The following HMCN1 variants were observed in gnomAD, a reference collection of about 807,000 sequenced individuals.
The protein encoded by HMCN1 is hemicentin-1.
HMCN1 carries 321 observed loss-of-function variants against 625.9 expected under a neutral mutation model. The ratio of observed to expected loss-of-function variants is 0.51; its 90% CI spans 0.47 to 0.56. The LOEUF is 0.56. Among genes scored for constraint, HMCN1 ranks in the 20% least tolerant of loss-of-function variants. HMCN1 has a pLI of 0.00. For missense variants in HMCN1, 6,588 were observed against 6,887.3 expected, an observed-to-expected ratio of 0.96 and a Z score of 1.54; for synonymous variants, 2,425 against 2,417.6, an observed-to-expected ratio of 1.00 and a Z score of -0.09.
chr1:185,833,782 T>C (rs1475906361), intron 1 of HMCN1, among the ~76,000 whole-genome samples: 2 of 152,148 alleles, frequency 1.3e-5, no homozygotes, highest in East Asian at 1.9e-4. Context: ...TATTTTCTTT[T>C]TCTTAATTGT....
chr1:185,949,531 T>G (rs866052331), intron 11 of HMCN1, among the ~76,000 whole-genome samples: 13 of 152,062 alleles, frequency 8.5e-5, no homozygotes, highest in Middle Eastern at 3.4e-3. Context: ...CTACTTTTCT[T>G]GAAGACGGAG....
At position 185,840,081 on chromosome 1, in the gene HMCN1, T is replaced by G. The variant is rs116563333; in HGVS notation, c.269-5945T>G. ...GTCCTGAAATATACTTGACATTAGC[T>G]CAGCTCAAAGTCAGGAAACAGTTCT... On this transcript the variant is annotated intron_variant, in intron 1 of 106. Coordinates refer to ENST00000271588, the MANE Select transcript of HMCN1 (RefSeq NM_031935.3). Among the ~76,000 whole-genome samples, 1,177 of 152,286 alleles carry G rather than the reference T, an allele frequency of 7.7e-3. 12 individuals carry two copies. The highest frequency in any genetic ancestry group is 0.027 in the African/African-American group (1,134 of 41,566).
intron 4 of HMCN1, among the ~76,000 whole-genome samples, chr1:185,902,056 T>G (rs1665833774): frequency 6.6e-6 from 1 of 151,614 alleles, no homozygotes; most frequent in African/African-American, 2.4e-5. Context: ...TAAAAATTAT[T>G]CTAGTACTCT....
chr1:185,738,895 A>G (rs1402298140), intron 1 of HMCN1, among the ~76,000 whole-genome samples: 1 of 152,146 alleles, frequency 6.6e-6, no homozygotes, highest in African/African-American at 2.4e-5. Context: ...TTTTAGGTTC[A>G]GGGGCCATAT....
chr1:186,149,625 A>G (rs1435283229), intron 93 of HMCN1, among the ~76,000 whole-genome samples: 1 of 152,136 alleles, frequency 6.6e-6, no homozygotes, highest in East Asian at 1.9e-4. Context: ...TGCATTCACA[A>G]CTTGGCTAAC....
At chr1:185,960,857 T>A (rs1649969568) in intron 11 of HMCN1, among the ~76,000 whole-genome samples, 1 of 152,232 alleles carries the variant, frequency 6.6e-6, no homozygotes, top group South Asian at 2.1e-4. Flanking sequence ...TTTTTCCCAC[T>A]TATCCCCTGA....
intron 1 of HMCN1, among the ~76,000 whole-genome samples, chr1:185,780,904 A>G (rs992348278): frequency 2.0e-5 from 3 of 152,116 alleles, no homozygotes; most frequent in Non-Finnish European, 4.4e-5. Flanking sequence ...TATTGATTGG[A>G]ATAGTTTCAG....
chr1:186,093,007 C>G lies in HMCN1; in HGVS notation c.9888-127C>G, dbSNP rs916746627. The G allele has an allele frequency of 6.6e-6, 8 of 1,217,104 alleles. No individual in the cohort carries two copies. The African/African-American group carries it at 1.2e-4, about 18-fold the overall frequency. 75.4% of individuals were successfully genotyped at this position (1,217,104 alleles called of 1,614,324 possible). On this transcript the variant is annotated intron_variant, in intron 64 of 106. Transcript: ENST00000271588. ...GAGGTGGTAGATATGAGACTCGCTACTGTAGAATTTCAGTTGGTTGCTTGA... is the reference window on the plus strand; with the variant it reads ...GAGGTGGTAGATATGAGACTCGCTAGTGTAGAATTTCAGTTGGTTGCTTGA...
At chr1:185,871,638 A>G (rs1663627464) in intron 4 of HMCN1, among the ~76,000 whole-genome samples, 2 of 152,192 alleles carry the variant, frequency 1.3e-5, no homozygotes, top group South Asian at 2.1e-4. Flanking sequence ...TAAAGTGACA[A>G]TTTTGCAACA....
At chr1:186,122,661 A>G (rs1196417512) in intron 80 of HMCN1, among the ~76,000 whole-genome samples, 1 of 152,196 alleles carries the variant, frequency 6.6e-6, no homozygotes, top group Non-Finnish European at 1.5e-5. Flanking sequence ...ATTTTTGTTG[A>G]TACAGCTTAA....
intron 36 of HMCN1, among the ~76,000 whole-genome samples, chr1:186,035,143 A>G (rs757005930): frequency 4.6e-5 from 7 of 152,152 alleles, no homozygotes; most frequent in Admixed American, 1.3e-4. Flanking sequence ...AGCTATATTT[A>G]TAAGTCTTGT....
At chr1:185,949,946 G>A (rs1668556563) in intron 11 of HMCN1, among the ~76,000 whole-genome samples, 1 of 151,688 alleles carries the variant, frequency 6.6e-6, no homozygotes, top group Admixed American at 6.6e-5. Flanking sequence ...ACGATGGAAA[G>A]GAAATGAGAG....
rs189719432 is a variant in HMCN1 at position 185,864,214 on chromosome 1, T to C, written c.340-256T>C. ...ATCGTGTAAGAGAAGGCAGAGTGAA[T>C]AGACATTTAATTTTATAAATATATA... is the stretch of plus-strand genomic sequence containing the variant. On this transcript the variant is annotated intron_variant, in intron 2 of 106. Coordinates refer to ENST00000271588, the MANE Select transcript of HMCN1 (RefSeq NM_031935.3). 3.3e-5 allele frequency among the ~76,000 whole-genome samples: 5 copies of C among 152,310 alleles called. No individual in the cohort carries two copies. In the East Asian group the frequency reaches 9.6e-4, roughly 29 times the overall value.
In HMCN1 at chr1:185,833,470, A is replaced by C. The variant is rs116460571; in HGVS notation, c.269-12556A>C. ...TAGCAGGGACTTAAAAATTATAAAAAAGTGTCAGAAGTAGTGTGTTTGCCA... is the reference window on the plus strand; with the variant it reads ...TAGCAGGGACTTAAAAATTATAAAACAGTGTCAGAAGTAGTGTGTTTGCCA... On this transcript the variant is annotated intron_variant, in intron 1 of 106. Transcript: ENST00000271588. Among the ~76,000 whole-genome samples the C allele has an allele frequency of 7.7e-3, 1,180 of 152,306 alleles. 12 individuals carry two copies. Among genetic ancestry groups the C allele is most frequent in the African/African-American group, 0.027 (1,137 of 41,578 alleles).
At chr1:185,839,540 A>G (rs889966781) in intron 1 of HMCN1, among the ~76,000 whole-genome samples, 1 of 152,196 alleles carries the variant, frequency 6.6e-6, no homozygotes, top group African/African-American at 2.4e-5. Context: ...ATTTAGGATT[A>G]CATGTAAAGC....
chr1:185,845,857 A>T (rs530879142), intron 1 of HMCN1, among the ~76,000 whole-genome samples, 169 bp from the exon 2 acceptor site: 3 of 152,352 alleles, frequency 2.0e-5, no homozygotes, highest in Admixed American at 6.5e-5. Context: ...ACAGTAAATT[A>T]TAAGTTATTC....
chr1:185,872,801 CT>C (rs778178543), intron 4 of HMCN1, among the ~76,000 whole-genome samples: 5 of 152,080 alleles, frequency 3.3e-5, no homozygotes, highest in Non-Finnish European at 5.9e-5. Context: ...GCAATAGATT[CT>C]GTAATGTGCA....
intron 71 of HMCN1, among the ~76,000 whole-genome samples, chr1:186,112,001 T>C (rs1660910608): frequency 6.6e-6 from 1 of 152,220 alleles, no homozygotes; most frequent in Non-Finnish European, 1.5e-5. Context: ...CAATCTTTGA[T>C]GCTATCTGGA....
chr1:185,844,219 T>G (rs1256731017), intron 1 of HMCN1, among the ~76,000 whole-genome samples: 1 of 152,176 alleles, frequency 6.6e-6, no homozygotes, highest in Admixed American at 6.5e-5. Context: ...GGGAGTAGGC[T>G]TCTCCCATTT....
Sources: gnomAD v4.1 joint callset for allele counts (sites outside exome capture counted in the v4.1 genomes callset) on GRCh38, gnomAD v4.1.1 for gene constraint, MANE v1.5 for transcripts, NCBI Gene and HGNC (gene_info 2026-07-23, HGNC 2026-07-21) for gene names.